Variants in TFDP2 observed in about 807,000 individuals in gnomAD.
The protein encoded by TFDP2 is transcription factor Dp-2 (E2F dimerization partner 2).
Under a neutral mutation model 59.3 loss-of-function variants are expected in TFDP2, and 17 were observed. The observed-to-expected ratio is 0.29, with a 90% CI of 0.20 to 0.43. The LOEUF (loss-of-function observed/expected upper bound fraction) is 0.43. Among genes scored for constraint, TFDP2 ranks in the 20% least tolerant of loss-of-function variants. The pLI is 1.00. For synonymous variants in TFDP2, 180 were observed against 194.7 expected, an observed-to-expected ratio of 0.92 and a Z score of 0.63; for missense variants, 391 against 528.8, an observed-to-expected ratio of 0.74 and a Z score of 2.56.
chr3:142,144,714 G>C (rs1369707745), intron 1 of TFDP2, among the ~76,000 whole-genome samples: 1 of 151,880 alleles, frequency 6.6e-6, no homozygotes, highest in African/African-American at 2.4e-5. Context: ...ACTACTTTTT[G>C]TATTTTTAGT....
chr3:142,048,754 C>T (rs1947470362), intron 3 of TFDP2, among the ~76,000 whole-genome samples: 1 of 152,030 alleles, frequency 6.6e-6, no homozygotes, highest in Non-Finnish European at 1.5e-5. Context: ...TTTGTAGAGA[C>T]AATGTGTTAC....
At chr3:142,132,863 C>A (rs1218726719) in intron 1 of TFDP2, among the ~76,000 whole-genome samples, 3 of 133,846 alleles carry the variant, frequency 2.2e-5, no homozygotes, top group African/African-American at 8.7e-5. Context: ...AGAAGATGAA[C>A]AATAGAAAAA....
intron 1 of TFDP2, among the ~76,000 whole-genome samples, chr3:142,127,223 G>T (rs1046198958): frequency 2.1e-5 from 3 of 145,930 alleles, no homozygotes; most frequent in Non-Finnish European, 3.0e-5. Context: ...ACATATTATA[G>T]ATATTACAGG....
At chr3:142,133,748 G>A (rs546173667) in intron 1 of TFDP2, among the ~76,000 whole-genome samples, 25 of 151,758 alleles carry the variant, frequency 1.6e-4, no homozygotes, top group South Asian at 8.3e-4. Flanking sequence ...TCTGCCCACC[G>A]CAGCCTCCCA....
chr3:142,146,126 T>C (rs1179577136), intron 1 of TFDP2, among the ~76,000 whole-genome samples: 1 of 152,196 alleles, frequency 6.6e-6, no homozygotes, highest in East Asian at 1.9e-4. Context: ...ATCAAATGCA[T>C]AGATTTGATA....
chr3:141,992,686 A>C (rs895150334), intron 6 of TFDP2, among the ~76,000 whole-genome samples: 1 of 152,224 alleles, frequency 6.6e-6, no homozygotes, highest in African/African-American at 2.4e-5. Flanking sequence ...AGCAAACAAC[A>C]AAAGCCACCA....
At chr3:142,014,342 G>T (rs933792809) in intron 3 of TFDP2, among the ~76,000 whole-genome samples, 1 of 151,822 alleles carries the variant, frequency 6.6e-6, no homozygotes, top group African/African-American at 2.4e-5. Flanking sequence ...TAGGGAGGGG[G>T]TCTCAGTATA....
chr3:141,968,519 CAT>C lies in TFDP2; in HGVS notation c.732+1552_732+1553del, dbSNP rs538628008. 3.0e-3 allele frequency among the ~76,000 whole-genome samples: 296 copies of C among 98,828 alleles called. 16 individuals carry two copies. Among genetic ancestry groups the C allele is most frequent in the African/African-American group, 0.013 (246 of 18,748 alleles). The allele number at this position is 98,828 out of a possible 152,430, so 64.8% of individuals were successfully genotyped here. On this transcript the variant is annotated intron_variant, in intron 9 of 12. Transcript: ENST00000489671. Reference sequence around the variant, plus strand: ...ATAGATATATATAACATATATATCTCATATATATAGATATATATAACATATAT... The same window carrying C: ...ATAGATATATATAACATATATATCTCATATATAGATATATATAACATATAT...
intron 3 of TFDP2, among the ~76,000 whole-genome samples, chr3:142,064,006 T>G (rs925859770): frequency 6.6e-6 from 1 of 152,232 alleles, no homozygotes; most frequent in South Asian, 2.1e-4. Flanking sequence ...CAGGCTGGAG[T>G]GCAGTGGTGC....
intron 1 of TFDP2, among the ~76,000 whole-genome samples, chr3:142,148,393 A>G (rs1193072144): frequency 6.6e-6 from 1 of 152,244 alleles, no homozygotes; most frequent in Non-Finnish European, 1.5e-5. Flanking sequence ...TTTCTAAACC[A>G]GCATCCATGG....
chr3:142,095,439 T>G (rs2061131656), intron 2 of TFDP2, among the ~76,000 whole-genome samples: 1 of 152,252 alleles, frequency 6.6e-6, no homozygotes, highest in African/African-American at 2.4e-5. Flanking sequence ...ATGTTAGCAG[T>G]AATATTTTTA....
chr3:142,105,562 T>G (rs149803154), intron 1 of TFDP2, among the ~76,000 whole-genome samples: 294 of 152,284 alleles, frequency 1.9e-3, no homozygotes, highest in African/African-American at 6.6e-3. Context: ...TCAATGATGT[T>G]ATATTTCCTA....
At chr3:141,983,346 T>C (rs1021070638) in intron 6 of TFDP2, among the ~76,000 whole-genome samples, 2 of 152,004 alleles carry the variant, frequency 1.3e-5, no homozygotes, top group African/African-American at 2.4e-5. Flanking sequence ...AATTCAAAAA[T>C]GGGCAAAGGG....
intron 6 of TFDP2, among the ~76,000 whole-genome samples, chr3:141,991,722 C>G (rs1270376116): frequency 1.3e-5 from 2 of 152,044 alleles, no homozygotes; most frequent in African/African-American, 4.8e-5. Context: ...GCACTCCAGC[C>G]TGGGCAACAG....
intron 10 of TFDP2, among the ~76,000 whole-genome samples, chr3:141,963,547 G>A (rs750683193): frequency 2.8e-4 from 43 of 152,108 alleles, no homozygotes; most frequent in East Asian, 1.9e-4. Context: ...CATGCAGCAC[G>A]TCATAGGTTG....
chr3:142,120,921 G>A (rs1047094529), intron 1 of TFDP2, among the ~76,000 whole-genome samples: 1 of 152,094 alleles, frequency 6.6e-6, no homozygotes, highest in Non-Finnish European at 1.5e-5. Flanking sequence ...CAGCTCTGGG[G>A]TTATAGCAGA....
intron 3 of TFDP2, among the ~76,000 whole-genome samples, chr3:142,069,725 A>G (rs1362517662): frequency 6.6e-6 from 1 of 151,604 alleles, no homozygotes; most frequent in Non-Finnish European, 1.5e-5. Flanking sequence ...CTCCTGCCTC[A>G]GCCTCCTGAG....
At chr3:142,068,791 T>C (rs933539959) in intron 3 of TFDP2, among the ~76,000 whole-genome samples, 7 of 152,212 alleles carry the variant, frequency 4.6e-5, no homozygotes, top group African/African-American at 1.7e-4. Context: ...ATTCCTGGAC[T>C]CAATGGATCT....
chr3:142,140,201 T>C (rs574021926), intron 1 of TFDP2, among the ~76,000 whole-genome samples: 6 of 152,362 alleles, frequency 3.9e-5, no homozygotes, highest in Admixed American at 2.0e-4. Flanking sequence ...TCTCATGCCA[T>C]GGTTTTCAGC....
Sources: gnomAD v4.1 joint callset for allele counts (sites outside exome capture counted in the v4.1 genomes callset) on GRCh38, gnomAD v4.1.1 for gene constraint, MANE v1.5 for transcripts, NCBI Gene and HGNC (gene_info 2026-07-23, HGNC 2026-07-21) for gene names.